Variants in CNKSR2 observed in about 807,000 individuals in gnomAD.
The protein encoded by CNKSR2 is connector enhancer of kinase suppressor of Ras 2.
CNKSR2 carries 14 observed loss-of-function variants against 84.4 expected under a neutral mutation model. The ratio of observed to expected loss-of-function variants is 0.17; its 90% CI spans 0.11 to 0.26. CNKSR2 has a LOEUF of 0.26. Among genes scored for constraint, CNKSR2 ranks in the 10% least tolerant of loss-of-function variants. The pLI, the probability that CNKSR2 is intolerant of heterozygous loss-of-function variation, is 1.00. For missense variants in CNKSR2, 485 were observed against 771.2 expected (o/e 0.63, Z 4.40); for synonymous variants, 275 against 277.9 (o/e 0.99, Z 0.10).
At chrX:21,560,390 G>A (rs1256742426) in intron 11 of CNKSR2, among the ~76,000 whole-genome samples, 1 of 110,619 alleles carries the variant, frequency 9.0e-6, no homozygotes, top group East Asian at 2.8e-4. Context: ...ATGTCCTTGG[G>A]CAAGTTATAT....
chrX:21,455,894 A>G (rs2090989553), intron 4 of CNKSR2, among the ~76,000 whole-genome samples: 1 of 111,432 alleles, frequency 9.0e-6, no homozygotes, highest in Non-Finnish European at 1.9e-5. Context: ...TGTCTTGACT[A>G]TTCCTCAGCT....
intron 4 of CNKSR2, among the ~76,000 whole-genome samples, chrX:21,447,735 T>A (rs2090873594): frequency 8.9e-6 from 1 of 111,981 alleles, no homozygotes; most frequent in South Asian, 3.7e-4. Flanking sequence ...CTCTTCTGTG[T>A]CTCCAGTGCC....
In CNKSR2 at chrX:21,563,323, G is replaced by A; in HGVS notation, c.1479G>A (p.Gly493=). The change falls in exon 13 of 22, where the codon GGG becomes GGA. Residue 493 remains glycine, a synonymous_variant. Transcript: ENST00000379510. ...AGAGAAACAGCAAAAAGGACACAGG[G>A]AAGAAGTCAAAAAAGAAGGGTGATA... is the stretch of plus-strand genomic sequence containing the variant. ...MFQRNSKKDT[G]KKSKKKGDKS... is the part of the protein sequence containing the mutation. 4.1e-6 allele frequency: 5 copies of A among 1,209,888 alleles called. No individual in the cohort carries two copies. The highest frequency in any genetic ancestry group is 5.6e-6 in the Non-Finnish European group (5 of 894,212).
intron 13 of CNKSR2, 90 bp from the exon 14 acceptor site, chrX:21,590,482 C>A (rs745997238): frequency 1.3e-4 from 107 of 846,605 alleles, no homozygotes; most frequent in Non-Finnish European, 1.7e-4. Flanking sequence ...TTAGAGTCAT[C>A]ATTTAGCTCT....
intron 11 of CNKSR2, among the ~76,000 whole-genome samples, chrX:21,534,897 G>A (rs2091914299): frequency 9.0e-6 from 1 of 110,583 alleles, no homozygotes; most frequent in Non-Finnish European, 1.9e-5. Context: ...ATATAATCCC[G>A]TTTGTCTGTT....
chrX:21,551,877 A>G (rs1023542527), intron 11 of CNKSR2, among the ~76,000 whole-genome samples: 11 of 111,449 alleles, frequency 9.9e-5, no homozygotes, highest in African/African-American at 3.3e-4. Context: ...ATTGCCTTAT[A>G]TTTTTTTAAT....
intron 20 of CNKSR2, among the ~76,000 whole-genome samples, chrX:21,612,276 C>A (rs2092554136): frequency 8.9e-6 from 1 of 112,052 alleles, no homozygotes; most frequent in African/African-American, 3.2e-5. Flanking sequence ...AAATTATACA[C>A]GGAAACGAAG....
intron 11 of CNKSR2, among the ~76,000 whole-genome samples, chrX:21,556,724 G>A (rs1452472568): frequency 1.8e-5 from 2 of 110,458 alleles, no homozygotes; most frequent in Non-Finnish European, 3.8e-5. Context: ...GAGCTTAATC[G>A]GGGAAGATTC....
chrX:21,565,093 C>T (rs186711039), intron 13 of CNKSR2, among the ~76,000 whole-genome samples: 170 of 111,018 alleles, frequency 1.5e-3, no homozygotes, highest in African/African-American at 5.1e-3. Flanking sequence ...ATGGCCTATT[C>T]GAGAGGGTAG....
At chrX:21,518,777 C>T (rs1048644594) in intron 9 of CNKSR2, among the ~76,000 whole-genome samples, 3 of 111,692 alleles carry the variant, frequency 2.7e-5, no homozygotes, top group Non-Finnish European at 3.8e-5. Context: ...TATTTGTCAT[C>T]GCTTATTCAG....
intron 1 of CNKSR2, among the ~76,000 whole-genome samples, chrX:21,395,134 T>G (rs1275076978): frequency 2.7e-5 from 3 of 111,608 alleles, no homozygotes; most frequent in Non-Finnish European, 5.7e-5. Flanking sequence ...TTACCAGCAG[T>G]TTTGTTTTTC....
chrX:21,407,881 A>G lies in CNKSR2; in HGVS notation c.65-18616A>G, dbSNP rs928086192. Among the ~76,000 whole-genome samples the G allele has an allele frequency of 3.5e-4, 39 of 111,890 alleles. 1 individual carries two copies. Among genetic ancestry groups the G allele is most frequent in the African/African-American group, 1.1e-3 (35 of 30,962 alleles). On this transcript the variant is annotated intron_variant, in intron 1 of 21. Transcript: ENST00000379510. ...TTCCTGGGAGGCTGCTGACAATAAA[A>G]AGTAATTGTAGATTTTCTTATGTTG...
chrX:21,394,471 A>G lies in CNKSR2; in HGVS notation c.64+19510A>G, dbSNP rs373343011. On this transcript the variant is annotated intron_variant, in intron 1 of 21. Transcript: ENST00000379510. Reference sequence around the variant, plus strand: ...TATTGGAGTGTTTCTCTTCGAGTCAATGTTTTTACTTATTTGAGTCAAAAG... The same window carrying G: ...TATTGGAGTGTTTCTCTTCGAGTCAGTGTTTTTACTTATTTGAGTCAAAAG... 4.5e-5 allele frequency among the ~76,000 whole-genome samples: 5 copies of G among 111,542 alleles called. No homozygotes were observed. In the East Asian group the frequency reaches 1.4e-3, roughly 31 times the overall value.
chrX:21,575,093 C>T (rs2092310276), intron 13 of CNKSR2, among the ~76,000 whole-genome samples: 1 of 110,598 alleles, frequency 9.0e-6, no homozygotes, highest in South Asian at 3.9e-4. Flanking sequence ...AGAGATAGAC[C>T]CAAGGGATCT....
intron 1 of CNKSR2, among the ~76,000 whole-genome samples, chrX:21,384,936 A>G (rs1034288720): frequency 3.6e-5 from 4 of 111,669 alleles, no homozygotes; most frequent in Non-Finnish European, 7.5e-5. Flanking sequence ...TTTATAGGTA[A>G]AGTACAGAGA....
intron 1 of CNKSR2, among the ~76,000 whole-genome samples, chrX:21,386,427 A>G (rs1478330915): frequency 8.9e-6 from 1 of 112,330 alleles, no homozygotes; most frequent in Non-Finnish European, 1.9e-5. Context: ...TTAAAAAACT[A>G]TTGTGAAATA....
At chrX:21,597,518 G>C (rs781151545) in intron 17 of CNKSR2, among the ~76,000 whole-genome samples, 1 of 111,697 alleles carries the variant, frequency 9.0e-6, no homozygotes, top group Non-Finnish European at 1.9e-5. Flanking sequence ...AATTAAAATG[G>C]ATTTTTATTG....
intron 13 of CNKSR2, among the ~76,000 whole-genome samples, chrX:21,578,487 AG>A (rs1250951219): frequency 9.1e-6 from 1 of 110,062 alleles, no homozygotes; most frequent in African/African-American, 3.3e-5. Flanking sequence ...AGCTATAAAA[AG>A]CTAGGCACAT....
chrX:21,542,797 A>G (rs1030301739), intron 11 of CNKSR2, among the ~76,000 whole-genome samples: 5 of 112,099 alleles, frequency 4.5e-5, no homozygotes, highest in African/African-American at 1.6e-4. Context: ...ATATCACCAA[A>G]TAGTATTGGT....
Sources: gnomAD v4.1 joint callset for allele counts (sites outside exome capture counted in the v4.1 genomes callset) on GRCh38, gnomAD v4.1.1 for gene constraint, MANE v1.5 for transcripts, NCBI Gene and HGNC (gene_info 2026-07-23, HGNC 2026-07-21) for gene names.